FILIP1L: variants seen among roughly 807,000 people sequenced by gnomAD.
The protein encoded by FILIP1L is filamin A interacting protein 1 like.
Under a neutral mutation model 96.6 loss-of-function variants are expected in FILIP1L, and 55 were observed. The observed-to-expected ratio is 0.57, with a 90% CI of 0.46 to 0.71. The LOEUF is 0.71. Ranked by LOEUF, FILIP1L falls within the 30% of genes least tolerant of loss-of-function variation. The pLI, the probability that FILIP1L is intolerant of heterozygous loss-of-function variation, is 0.00. For missense variants in FILIP1L, 1,304 were observed against 1,321.2 expected (o/e 0.99, Z 0.20); for synonymous variants, 467 against 473.9 (o/e 0.99, Z 0.19).
chr3:99,987,996 T>A (rs1709396360), intron 1 of FILIP1L, among the ~76,000 whole-genome samples: 1 of 152,166 alleles, frequency 6.6e-6, no homozygotes, highest in Non-Finnish European at 1.5e-5. Flanking sequence ...CTCTTTTTTC[T>A]CTAATCAAAT....
At chr3:100,110,809 T>TA (rs1296779903) in intron 1 of FILIP1L, among the ~76,000 whole-genome samples, 2 of 152,132 alleles carry the variant, frequency 1.3e-5, no homozygotes, top group Non-Finnish European at 2.9e-5. Flanking sequence ...ACAGCCTACT[T>TA]ATGCTTGCAC....
chr3:99,940,727 C>T (rs1431567455), intron 1 of FILIP1L, among the ~76,000 whole-genome samples: 1 of 152,252 alleles, frequency 6.6e-6, no homozygotes, highest in African/African-American at 2.4e-5. Context: ...TGTGAACCAT[C>T]TTCCTCACCT....
intron 4 of FILIP1L, among the ~76,000 whole-genome samples, chr3:99,896,115 G>C (rs907691374): frequency 5.9e-5 from 9 of 152,250 alleles, no homozygotes; most frequent in Non-Finnish European, 8.8e-5. Context: ...AAAAAAAAAG[G>C]AAGTTAAGGG....
At chr3:99,926,332 C>G (rs1374463652) in intron 3 of FILIP1L, among the ~76,000 whole-genome samples, 1 of 152,202 alleles carries the variant, frequency 6.6e-6, no homozygotes, top group Non-Finnish European at 1.5e-5. Context: ...GTAGCCAGTC[C>G]TTTTGTGAAA....
chr3:99,963,401 A>G (rs2107706148), intron 1 of FILIP1L, among the ~76,000 whole-genome samples: 1 of 152,286 alleles, frequency 6.6e-6, no homozygotes, highest in South Asian at 2.1e-4. Context: ...AGAAGTAAAA[A>G]TAAGAGTGGG....
chr3:99,925,291 A>G (rs1195260653), intron 3 of FILIP1L, among the ~76,000 whole-genome samples: 5 of 152,220 alleles, frequency 3.3e-5, no homozygotes, highest in African/African-American at 1.2e-4. Flanking sequence ...TTTTCACAGC[A>G]CTATACTTAC....
chr3:99,830,185 G>C lies in FILIP1L; in HGVS notation c.*229C>G, dbSNP rs1236512012. ...TAGATTATATGTCGGATGAGGAAAT[G>C]GGTAGATTTGGGTGTGGGTCTAGGC... On this transcript the variant is annotated 3_prime_UTR_variant, in exon 6 of 6. Transcript: ENST00000477258. 2 of 258,184 alleles carry C rather than the reference G, an allele frequency of 7.7e-6. No individual in the cohort carries two copies. Among genetic ancestry groups the C allele is most frequent in the Non-Finnish European group, 1.6e-5 (2 of 128,218 alleles). 16.0% of individuals were successfully genotyped at this position (258,184 alleles called of 1,614,324 possible).
Position 99,848,812 on chromosome 3 carries a change from G to A in FILIP1L, c.2864C>T (p.Thr955Ile), listed in dbSNP as rs1384959191. The change falls in exon 5 of 6, where the codon ACA (threonine) becomes ATA (isoleucine). Residue 955 changes from threonine (T) to isoleucine (I), a missense_variant. Coordinates refer to ENST00000477258, the MANE Select transcript of FILIP1L (RefSeq NM_001387850.1). ...GGTAGAGGTTTTGGACTTTACTGGT[G>A]TTATGGAGGCGTTTTGGAGGATGGT... ...RITILQNASI[T>I]PVKSKTSTED... is the part of the protein sequence containing the mutation. The A allele has an allele frequency of 1.2e-6, 2 of 1,614,040 alleles. No homozygotes were observed. Among genetic ancestry groups the A allele is most frequent in the African/African-American group, 2.7e-5 (2 of 74,934 alleles).
chr3:99,866,522 C>G (rs1327382952), intron 4 of FILIP1L, among the ~76,000 whole-genome samples: 1 of 152,060 alleles, frequency 6.6e-6, no homozygotes. Flanking sequence ...ACATTTTGAT[C>G]CTTAGAGGAC....
At chr3:99,987,817 A>T (rs963253705) in intron 1 of FILIP1L, among the ~76,000 whole-genome samples, 6 of 152,222 alleles carry the variant, frequency 3.9e-5, no homozygotes, top group Non-Finnish European at 8.8e-5. Flanking sequence ...AAATGTTTTT[A>T]TTAACTTAAA....
intron 4 of FILIP1L, among the ~76,000 whole-genome samples, chr3:99,896,498 A>C (rs1450995990): frequency 2.0e-5 from 3 of 152,216 alleles, no homozygotes; most frequent in Admixed American, 1.3e-4. Flanking sequence ...CTGAGGCTTC[A>C]TACAGAGTCC....
intron 1 of FILIP1L, among the ~76,000 whole-genome samples, chr3:100,081,917 A>T (rs1266455872): frequency 6.6e-6 from 1 of 152,102 alleles, no homozygotes; most frequent in Non-Finnish European, 1.5e-5. Context: ...ATGTCTCCAG[A>T]CACTGTCAGA....
At chr3:99,904,168 C>T (rs1706534580) in intron 4 of FILIP1L, among the ~76,000 whole-genome samples, 1 of 152,134 alleles carries the variant, frequency 6.6e-6, no homozygotes, top group Non-Finnish European at 1.5e-5. Flanking sequence ...GTTATTATTG[C>T]TCTTAATGAT....
In FILIP1L at chr3:99,903,824, C is replaced by T. The variant is rs2107630389; in HGVS notation, c.605+20406G>A. Among the ~76,000 whole-genome samples, 2 of 152,246 alleles carry T rather than the reference C, an allele frequency of 1.3e-5. 1 individual carries two copies. The highest frequency in any genetic ancestry group is 4.1e-4 in the South Asian group (2 of 4,830). ...TTCATATAGAAAACTACACAATGCTCTTTTCTTATTTCTGAGGCAGAAATA... is the reference window on the plus strand; with the variant it reads ...TTCATATAGAAAACTACACAATGCTTTTTTCTTATTTCTGAGGCAGAAATA... On this transcript the variant is annotated intron_variant, in intron 4 of 5. Transcript: ENST00000477258.
At chr3:100,100,980 A>G (rs893711677) in intron 1 of FILIP1L, among the ~76,000 whole-genome samples, 1 of 152,130 alleles carries the variant, frequency 6.6e-6, no homozygotes, top group Non-Finnish European at 1.5e-5. Flanking sequence ...TGGAGAACAG[A>G]GAAGAAAGTG....
At chr3:99,876,267 C>T in intron 4 of FILIP1L, 1 of 968,132 alleles carries the variant, frequency 1.0e-6, no homozygotes, top group African/African-American at 1.8e-5. Context: ...GGCGGGGGCG[C>T]CGGTGACCGC....
rs567614666 is a variant in FILIP1L at position 99,899,027 on chromosome 3, GA to G, written c.605+25202del. On this transcript the variant is annotated intron_variant, in intron 4 of 5. Transcript: ENST00000477258. ...CTGAGAAGGCTGGAACACACATACT[GA>G]AAAAAAAATGTGGTTATTCCTCCTT... Among the ~76,000 whole-genome samples the G allele has an allele frequency of 8.0e-5, 12 of 150,678 alleles. No homozygotes were observed. In the East Asian group the frequency reaches 1.7e-3, roughly 22 times the overall value.
rs1943660758 is a variant in FILIP1L, at chr3:99,850,924, GC to G, written c.751del (p.Ala251HisfsTer13). The stretch of plus-strand genomic sequence containing the variant: ...TTTCTGTCTTTGAAGGGTGAGCTGT[GC>G]CGTCAGCCTTTGCTGTTCATCCACC... ...MVVDEQQRLT[A>X]QLTLQRQKIQ... On this transcript the variant is annotated frameshift_variant, in exon 5 of 6. Transcript: ENST00000477258. LOFTEE classifies it high-confidence loss of function. The G allele has an allele frequency of 6.2e-7, 1 of 1,614,150 alleles. No homozygotes were observed.
intron 1 of FILIP1L, among the ~76,000 whole-genome samples, chr3:100,095,886 A>T (rs1255719004): frequency 1.3e-5 from 2 of 152,202 alleles, no homozygotes; most frequent in African/African-American, 4.8e-5. Flanking sequence ...CAAGAGATTA[A>T]TAACTGCAGT....
Sources: allele counts gnomAD v4.1 joint callset (sites outside exome capture counted in the v4.1 genomes callset), GRCh38; gene constraint gnomAD v4.1.1; transcripts MANE v1.5; gene names NCBI Gene and HGNC (gene_info 2026-07-23, HGNC 2026-07-21).